Variants in LIN28B observed in about 807,000 individuals in gnomAD.
LIN28B encodes the protein protein lin-28 homolog B.
LIN28B carries 5 observed loss-of-function variants against 21.9 expected under a neutral mutation model. The observed-to-expected ratio is 0.23, with a 90% CI of 0.12 to 0.48. The LOEUF (loss-of-function observed/expected upper bound fraction) is 0.48. Among genes scored for constraint, LIN28B ranks in the 20% least tolerant of loss-of-function variants. The probability of loss-of-function intolerance (pLI) is 0.98; values close to 1 mark genes in which losing one functional copy is unlikely to be tolerated. For missense variants in LIN28B, 245 were observed against 310.5 expected (o/e 0.79, Z 1.58); for synonymous variants, 109 against 111.3 (o/e 0.98, Z 0.13).
upstream of LIN28B, among the ~76,000 whole-genome samples, chr6:104,955,549 TG>T: frequency 6.6e-6 from 1 of 152,144 alleles, no homozygotes; most frequent in Non-Finnish European, 1.5e-5. Flanking sequence ...TTGTTTAATA[TG>T]GGGAGGGAGT....
Position 104,957,239 on chromosome 6 carries a change from C to G in LIN28B, c.-12C>G. On this transcript the variant is annotated 5_prime_UTR_variant, in exon 1 of 4. Transcript: ENST00000345080. ...ATCTCACGAGTTTGGAGCTGAGGGCCCGTGGGGCAACATGGCCGAAGGTTA... is the reference window on the plus strand; with the variant it reads ...ATCTCACGAGTTTGGAGCTGAGGGCGCGTGGGGCAACATGGCCGAAGGTTA... 14 of 1,612,908 alleles carry G rather than the reference C, an allele frequency of 8.7e-6. No homozygotes were observed. The highest frequency in any genetic ancestry group is 1.1e-5 in the Non-Finnish European group (13 of 1,179,230).
chr6:104,957,352 C>CT lies in LIN28B; in HGVS notation c.10+94dup, dbSNP rs1554274319. On this transcript the variant is annotated intron_variant, in intron 1 of 3. Transcript: ENST00000345080. ...CCCACCCTTCTTAGACCGTCCCCCCCTTCCCCTTTTACCCCAATACTGGGC... is the reference window on the plus strand; with the variant it reads ...CCCACCCTTCTTAGACCGTCCCCCCCTTTCCCCTTTTACCCCAATACTGGGC... 6.0e-6 allele frequency: 5 copies of CT among 834,100 alleles called. No individual in the cohort carries two copies. In the East Asian group the frequency reaches 1.1e-4, roughly 18 times the overall value. The allele number at this position is 834,100 out of a possible 1,614,324, so 51.7% of individuals were successfully genotyped here.
At chr6:104,953,025 C>G (rs947959579), upstream of LIN28B, among the ~76,000 whole-genome samples, 4 of 152,220 alleles carry the variant, frequency 2.6e-5, no homozygotes, top group Admixed American at 6.5e-5. Context: ...GCATTTGTCT[C>G]CATGTCGTAG....
intron 2 of LIN28B, among the ~76,000 whole-genome samples, chr6:104,958,547 C>A (rs879692697): frequency 6.6e-6 from 1 of 152,132 alleles, no homozygotes. Flanking sequence ...CTGCTTCATT[C>A]TACAGCGAAA....
At chr6:105,022,354 G>T (rs148172492) in intron 2 of LIN28B, among the ~76,000 whole-genome samples, 1 of 152,146 alleles carries the variant, frequency 6.6e-6, no homozygotes. Context: ...TAGTTTTACC[G>T]TGACACAGGA....
At chr6:105,005,586 T>G (rs532535516) in intron 2 of LIN28B, among the ~76,000 whole-genome samples, 7 of 152,280 alleles carry the variant, frequency 4.6e-5, no homozygotes, top group African/African-American at 1.7e-4. Flanking sequence ...AATAAAAGTG[T>G]GTGGCACTCG....
chr6:105,044,861 TA>T (rs1162554962), intron 3 of LIN28B, among the ~76,000 whole-genome samples: 1 of 152,102 alleles, frequency 6.6e-6, no homozygotes, highest in Non-Finnish European at 1.5e-5. Flanking sequence ...TTTAAAGTTG[TA>T]TTTCTAGTCA....
intron 3 of LIN28B, among the ~76,000 whole-genome samples, chr6:105,040,076 T>C (rs1771601974): frequency 6.6e-6 from 1 of 152,180 alleles, no homozygotes; most frequent in South Asian, 2.1e-4. Context: ...TCAGAGTTTT[T>C]ACTGTGGATG....
chr6:105,041,718 T>C (rs1402160770), intron 3 of LIN28B, among the ~76,000 whole-genome samples: 1 of 152,196 alleles, frequency 6.6e-6, no homozygotes, highest in Non-Finnish European at 1.5e-5. Flanking sequence ...AATGTCATTT[T>C]TGGACCAGCA....
Position 104,968,488 on chromosome 6 carries a change from T to A in LIN28B, c.198+10202T>A, listed in dbSNP as rs146360812. On this transcript the variant is annotated intron_variant, in intron 2 of 3. Transcript: ENST00000345080. ...TTCTACCAGCTGCTTTAAATCTTTGTCATAACAGCCCACTTTAAAAAATCA... is the reference window on the plus strand; with the variant it reads ...TTCTACCAGCTGCTTTAAATCTTTGACATAACAGCCCACTTTAAAAAATCA... 2.8e-4 allele frequency among the ~76,000 whole-genome samples: 43 copies of A among 152,342 alleles called. 1 individual carries two copies. In the East Asian group the frequency reaches 8.3e-3, roughly 29 times the overall value.
intron 2 of LIN28B, among the ~76,000 whole-genome samples, chr6:104,992,518 T>G (rs531642628): frequency 0.013 from 1,823 of 143,234 alleles, 17 homozygotes; most frequent in East Asian, 0.022. Flanking sequence ...GTGTGTGTTT[T>G]TTTTTTAAAC....
intron 2 of LIN28B, among the ~76,000 whole-genome samples, chr6:104,973,749 G>GA (rs1770026093): frequency 6.6e-6 from 1 of 152,140 alleles, no homozygotes; most frequent in Admixed American, 6.6e-5. Flanking sequence ...TTGCTGTCAT[G>GA]AAAAAATGTC....
chr6:105,051,991 A>G (rs1006554089), intron 3 of LIN28B, among the ~76,000 whole-genome samples: 3 of 152,246 alleles, frequency 2.0e-5, no homozygotes, highest in African/African-American at 7.2e-5. Context: ...GGACTGTTTT[A>G]GATTAAGTAA....
At position 105,078,825 on chromosome 6, in the gene LIN28B, G is replaced by A; in HGVS notation, c.*42G>A. On this transcript the variant is annotated 3_prime_UTR_variant, in exon 4 of 4. Coordinates refer to ENST00000345080, the MANE Select transcript of LIN28B (RefSeq NM_001004317.4). ...GTTCTTTCCTTTACCCGGTTGCAAA[G>A]TCTACCTCATGCAAGTATAGGGGAA... 1.9e-6 allele frequency: 3 copies of A among 1,576,152 alleles called. No individual in the cohort carries two copies. The highest frequency in any genetic ancestry group is 2.6e-6 in the Non-Finnish European group (3 of 1,159,264).
At chr6:105,032,593 T>C (rs925745989) in intron 3 of LIN28B, among the ~76,000 whole-genome samples, 2 of 151,934 alleles carry the variant, frequency 1.3e-5, no homozygotes, top group African/African-American at 2.4e-5. Flanking sequence ...GGCATGGTGG[T>C]GCATCCCTGT....
At chr6:104,957,350 C>CG (rs1778305460) in intron 1 of LIN28B, 90 bp downstream of exon 1, 7 of 821,066 alleles carry the variant, frequency 8.5e-6, no homozygotes, top group East Asian at 5.6e-5. Flanking sequence ...GACCGTCCCC[C>CG]CCTTCCCCTT....
In LIN28B at chr6:105,017,586, T is replaced by C. The variant is rs1030652153; in HGVS notation, c.199-8712T>C. On this transcript the variant is annotated intron_variant, in intron 2 of 3. Coordinates refer to ENST00000345080, the MANE Select transcript of LIN28B (RefSeq NM_001004317.4). ...GACAAGGAAACTGGGGCTCTGAGTG[T>C]TTTTTCAGTTTTTGCAGCTGGAGCC... Among the ~76,000 whole-genome samples the C allele has an allele frequency of 2.6e-5, 4 of 152,274 alleles. No homozygotes were observed. In the South Asian group the frequency reaches 8.3e-4, roughly 32 times the overall value.
rs1772532451 is a variant in LIN28B, at chr6:105,080,956, T to C, written c.*2173T>C. 1 of 152,398 alleles carries C rather than the reference T, an allele frequency of 6.6e-6. No individual in the cohort carries two copies. The highest frequency in any genetic ancestry group is 2.4e-5 in the African/African-American group (1 of 41,370). The allele number at this position is 152,398 out of a possible 1,614,324, so 9.4% of individuals were successfully genotyped here. On this transcript the variant is annotated 3_prime_UTR_variant, in exon 4 of 4. Coordinates refer to ENST00000345080, the MANE Select transcript of LIN28B (RefSeq NM_001004317.4). The stretch of plus-strand genomic sequence containing the variant: ...GAGCTAAAATCATGGTAAAAAAAAA[T>C]AGAAACACTTGAGAACTATGGTCTT...
At chr6:105,040,707 C>T (rs182746278) in intron 3 of LIN28B, among the ~76,000 whole-genome samples, 3 of 152,090 alleles carry the variant, frequency 2.0e-5, no homozygotes, top group Admixed American at 1.3e-4. Flanking sequence ...AAGCCCTTCG[C>T]ATTTTGTAGT....
Sources: allele counts gnomAD v4.1 joint callset (sites outside exome capture counted in the v4.1 genomes callset), GRCh38; gene constraint gnomAD v4.1.1; transcripts MANE v1.5; gene names NCBI Gene and HGNC (gene_info 2026-07-23, HGNC 2026-07-21).